The following MPP7 variants were observed in gnomAD, a reference collection of about 807,000 sequenced individuals.
The protein encoded by MPP7 is MAGUK p55 subfamily member 7.
A neutral mutation model predicts 76.5 loss-of-function variants in MPP7; 60 were observed. That is an observed-to-expected ratio of 0.78 (90% confidence interval 0.64 to 0.97). The LOEUF (loss-of-function observed/expected upper bound fraction) is 0.97. MPP7 is among the 50% of genes least tolerant of loss of function. The pLI, the probability that MPP7 is intolerant of heterozygous loss-of-function variation, is 0.00. For synonymous variants in MPP7, 237 were observed against 244.5 expected (o/e 0.97, Z 0.29); for missense variants, 641 against 694.0 (o/e 0.92, Z 0.86).
intron 1 of MPP7, among the ~76,000 whole-genome samples, chr10:28,292,374 G>A (rs182977498): frequency 6.7e-5 from 10 of 150,280 alleles, no homozygotes; most frequent in Admixed American, 6.6e-4. Flanking sequence ...TACAACAGAA[G>A]AAAAAATGGC....
At chr10:28,300,188 G>C (rs778632951) in intron 1 of MPP7, among the ~76,000 whole-genome samples, 11 of 152,116 alleles carry the variant, frequency 7.2e-5, no homozygotes, top group South Asian at 4.1e-4. Flanking sequence ...ACAAAAATCT[G>C]TTTGAAATCT....
intron 1 of MPP7, among the ~76,000 whole-genome samples, chr10:28,251,238 G>A (rs981534116): frequency 2.0e-5 from 3 of 152,192 alleles, no homozygotes; most frequent in Non-Finnish European, 2.9e-5. Flanking sequence ...GCCGAGGTGG[G>A]CAGATCACTT....
intron 8 of MPP7, 97 bp from the exon 9 acceptor site, chr10:28,120,765 G>A: frequency 1.1e-6 from 1 of 892,942 alleles, no homozygotes; most frequent in South Asian, 1.5e-5. Flanking sequence ...AAATTTACAA[G>A]CTTGGGGCTT....
chr10:28,244,828 C>T (rs1315589318), intron 1 of MPP7, among the ~76,000 whole-genome samples: 1 of 152,094 alleles, frequency 6.6e-6, no homozygotes, highest in Admixed American at 6.5e-5. Context: ...CTAGTGCGGG[C>T]TCGGGAAGGC....
At chr10:28,312,909 G>A (rs1841297623) in intron 2 of MPP7, among the ~76,000 whole-genome samples, 1 of 152,194 alleles carries the variant, frequency 6.6e-6, no homozygotes, top group East Asian at 1.9e-4. Flanking sequence ...CCACGTTGAA[G>A]ATTAGGAAAC....
intron 15 of MPP7, chr10:28,057,603 CTCT>C (rs1851609336): frequency 3.8e-6 from 1 of 263,696 alleles, no homozygotes; most frequent in Non-Finnish European, 4.8e-6. Context: ...CCAATTAAAC[CTCT>C]TTTTTTTTTT....
At chr10:28,106,838 G>C (rs905408908) in intron 11 of MPP7, among the ~76,000 whole-genome samples, 4 of 152,062 alleles carry the variant, frequency 2.6e-5, no homozygotes, top group Non-Finnish European at 5.9e-5. Flanking sequence ...AAATTCAATG[G>C]CATTTTGTCA....
intron 16 of MPP7, among the ~76,000 whole-genome samples, chr10:28,055,675 T>C (rs1464174370): frequency 6.6e-6 from 1 of 152,224 alleles, no homozygotes; most frequent in Non-Finnish European, 1.5e-5. Context: ...TTTCTTTTGC[T>C]GTGCTAAATA....
At chr10:28,084,087 T>TA (rs1178478424) in intron 12 of MPP7, among the ~76,000 whole-genome samples, 1 of 152,300 alleles carries the variant, frequency 6.6e-6, no homozygotes, top group East Asian at 1.9e-4. Flanking sequence ...TAAAGGCTAA[T>TA]AATCATAACA....
At chr10:28,226,467 G>A (rs1214188017) in intron 2 of MPP7, among the ~76,000 whole-genome samples, 2 of 152,066 alleles carry the variant, frequency 1.3e-5, no homozygotes, top group Non-Finnish European at 2.9e-5. Context: ...GGCTGGTCTC[G>A]AACTTCTGAC....
At chr10:28,079,486 A>G (rs1293971653) in intron 12 of MPP7, among the ~76,000 whole-genome samples, 1 of 152,114 alleles carries the variant, frequency 6.6e-6, no homozygotes, top group African/African-American at 2.4e-5. Flanking sequence ...GATCCTCTCT[A>G]AAAAACAAAA....
At chr10:28,266,211 C>A (rs1840145963) in intron 1 of MPP7, among the ~76,000 whole-genome samples, 1 of 152,144 alleles carries the variant, frequency 6.6e-6, no homozygotes, top group African/African-American at 2.4e-5. Context: ...CCACCCTCCT[C>A]AGCCTCCCAA....
intron 5 of MPP7, among the ~76,000 whole-genome samples, chr10:28,145,765 T>A (rs1835682834): frequency 6.6e-6 from 1 of 151,260 alleles, no homozygotes; most frequent in African/African-American, 2.4e-5. Context: ...AATTCTTTAG[T>A]CACACTGCTA....
intron 1 of MPP7, among the ~76,000 whole-genome samples, chr10:28,249,982 C>A (rs1362215044): frequency 6.7e-6 from 1 of 149,762 alleles, no homozygotes; most frequent in African/African-American, 2.5e-5. Flanking sequence ...AATGTAATAG[C>A]ATTTACTATA....
At chr10:28,253,000 C>T (rs1189758535) in intron 1 of MPP7, among the ~76,000 whole-genome samples, 1 of 152,098 alleles carries the variant, frequency 6.6e-6, no homozygotes, top group Non-Finnish European at 1.5e-5. Context: ...TTCTGCCTCC[C>T]TGGTTCAAGC....
chr10:28,165,633 C>T (rs569420837), intron 3 of MPP7, among the ~76,000 whole-genome samples: 1 of 152,110 alleles, frequency 6.6e-6, no homozygotes, highest in South Asian at 2.1e-4. Flanking sequence ...AAGTTCATCA[C>T]ATCAAACCTG....
intron 3 of MPP7, among the ~76,000 whole-genome samples, chr10:28,189,503 C>T (rs1029353638): frequency 7.7e-6 from 1 of 129,720 alleles, no homozygotes; most frequent in Non-Finnish European, 1.6e-5. Flanking sequence ...CCTGGGAAAT[C>T]AGGGCTGCAA....
intron 8 of MPP7, among the ~76,000 whole-genome samples, chr10:28,121,176 G>A (rs1300928361): frequency 2.6e-5 from 4 of 151,634 alleles, no homozygotes; most frequent in Admixed American, 6.6e-5. Context: ...GCGTGGTGAT[G>A]AAGCTAAGGC....
intron 2 of MPP7, among the ~76,000 whole-genome samples, chr10:28,217,589 A>C (rs572439755): frequency 2.6e-5 from 4 of 151,820 alleles, no homozygotes; most frequent in African/African-American, 9.6e-5. Context: ...AAGAACTTTT[A>C]ACAAAAAAAG....
Sources: gnomAD v4.1 joint callset for allele counts (sites outside exome capture counted in the v4.1 genomes callset) on GRCh38, gnomAD v4.1.1 for gene constraint, MANE v1.5 for transcripts, NCBI Gene and HGNC (gene_info 2026-07-23, HGNC 2026-07-21) for gene names.